Variants in ARMH3 observed in about 807,000 individuals in gnomAD.
The protein encoded by ARMH3 is armadillo like helical domain containing 3.
A neutral mutation model predicts 99.1 loss-of-function variants in ARMH3; 60 were observed. The observed-to-expected ratio is 0.61, with a 90% CI of 0.49 to 0.75. ARMH3 has a LOEUF of 0.75. Among genes scored for constraint, ARMH3 ranks in the 30% least tolerant of loss-of-function variants. The probability of loss-of-function intolerance (pLI) is 0.00; values close to 1 mark genes in which losing one functional copy is unlikely to be tolerated. For missense variants in ARMH3, 679 were observed against 843.1 expected (o/e 0.81, Z 2.41); for synonymous variants, 285 against 292.8 (o/e 0.97, Z 0.27).
rs548557095 is a variant in ARMH3, at chr10:101,929,907, A to T, written c.1781+9956T>A. ...GTTTTAGGTTTCAGATTTTTTTTTTAAATTTTGGATATTTGCATTATACTT... is the reference window on the plus strand; with the variant it reads ...GTTTTAGGTTTCAGATTTTTTTTTTTAATTTTGGATATTTGCATTATACTT... On this transcript the variant is annotated intron_variant, in intron 23 of 25. Coordinates refer to ENST00000370033, the MANE Select transcript of ARMH3 (RefSeq NM_024541.3). Among the ~76,000 whole-genome samples the T allele has an allele frequency of 1.1e-4, 17 of 152,118 alleles. 1 individual carries two copies. The highest frequency in any genetic ancestry group is 2.1e-4 in the South Asian group (1 of 4,822).
At chr10:101,873,244 A>T (rs1317171973) in intron 24 of ARMH3, among the ~76,000 whole-genome samples, 1 of 151,294 alleles carries the variant, frequency 6.6e-6, no homozygotes, top group Non-Finnish European at 1.5e-5. Flanking sequence ...TCTACTAAAA[A>T]TACAAAAAAA....
intron 23 of ARMH3, among the ~76,000 whole-genome samples, chr10:101,921,909 A>C (rs1177753572): frequency 1.3e-5 from 2 of 152,200 alleles, no homozygotes; most frequent in Non-Finnish European, 2.9e-5. Context: ...AATACGTTCT[A>C]ATGTTCAATA....
chr10:102,019,424 C>T (rs2066826129), intron 8 of ARMH3, among the ~76,000 whole-genome samples: 1 of 151,886 alleles, frequency 6.6e-6, no homozygotes, highest in African/African-American at 2.4e-5. Flanking sequence ...AACTGTAAGA[C>T]AGCTGAAGGC....
chr10:101,974,506 C>A (rs535872503), intron 20 of ARMH3, among the ~76,000 whole-genome samples: 1 of 152,290 alleles, frequency 6.6e-6, no homozygotes, highest in African/African-American at 2.4e-5. Flanking sequence ...GTCTCCTCTG[C>A]TTTCCTGAAA....
At chr10:101,865,234 C>G (rs1198502587) in intron 24 of ARMH3, among the ~76,000 whole-genome samples, 1 of 148,694 alleles carries the variant, frequency 6.7e-6, no homozygotes, top group African/African-American at 2.5e-5. Flanking sequence ...AAAACAAAAA[C>G]AAACAAACAA....
intron 24 of ARMH3, among the ~76,000 whole-genome samples, chr10:101,862,798 G>GT (rs1425056400): frequency 2.0e-5 from 3 of 152,146 alleles, no homozygotes; most frequent in Admixed American, 1.3e-4. Flanking sequence ...CAAGATGGTA[G>GT]TTTTTAACTC....
chr10:101,914,603 T>C (rs1842999308), intron 23 of ARMH3, among the ~76,000 whole-genome samples: 1 of 150,500 alleles, frequency 6.6e-6, no homozygotes, highest in Non-Finnish European at 1.5e-5. Flanking sequence ...CGGTGGCTTA[T>C]GCCTATAATC....
intron 24 of ARMH3, among the ~76,000 whole-genome samples, chr10:101,850,374 C>T (rs1232231512): frequency 3.3e-5 from 5 of 150,688 alleles, no homozygotes; most frequent in Admixed American, 6.6e-5. Flanking sequence ...GCTGGGAGTA[C>T]GGGTGTGAGC....
intron 19 of ARMH3, among the ~76,000 whole-genome samples, chr10:101,986,199 C>T (rs1288735305): frequency 1.3e-5 from 2 of 152,146 alleles, no homozygotes; most frequent in Non-Finnish European, 2.9e-5. Context: ...TCCTGTAGGA[C>T]CCACTGAAGT....
Position 101,995,279 on chromosome 10 carries a change from A to G in ARMH3, c.1209+18T>C. 1 of 1,608,822 alleles carries G rather than the reference A, an allele frequency of 6.2e-7. No individual in the cohort carries two copies. The highest frequency in any genetic ancestry group is 2.2e-5 in the East Asian group (1 of 44,848). The stretch of plus-strand genomic sequence containing the variant: ...TTTGTAAAAGACTGCCTAATAGCAG[A>G]AGGCTCGTGAGACCTACCTCTGCAA... On this transcript the variant is annotated intron_variant, in intron 16 of 25. Transcript: ENST00000370033.
chr10:101,866,859 TAAG>T (rs1229411590), intron 24 of ARMH3, among the ~76,000 whole-genome samples: 2 of 152,048 alleles, frequency 1.3e-5, no homozygotes, highest in African/African-American at 4.8e-5. Context: ...TAGACACTAT[TAAG>T]AAAATCACTG....
intron 24 of ARMH3, among the ~76,000 whole-genome samples, chr10:101,888,170 T>C (rs2067599381): frequency 6.6e-6 from 1 of 151,908 alleles, no homozygotes; most frequent in African/African-American, 2.4e-5. Context: ...TGAATTATTT[T>C]GCATAAAAAT....
intron 24 of ARMH3, among the ~76,000 whole-genome samples, chr10:101,853,642 T>A (rs1352742873): frequency 6.6e-6 from 1 of 152,226 alleles, no homozygotes; most frequent in Admixed American, 6.5e-5. Context: ...CAAGGCTACC[T>A]TCTTTCATCG....
intron 1 of ARMH3, among the ~76,000 whole-genome samples, chr10:102,054,719 G>C (rs1019021188): frequency 4.6e-5 from 7 of 152,190 alleles, no homozygotes; most frequent in Non-Finnish European, 1.0e-4. Flanking sequence ...TTTCTGGCCG[G>C]GCGCAGTGGC....
chr10:102,003,907 G>A (rs188676237), intron 14 of ARMH3, among the ~76,000 whole-genome samples: 1 of 152,268 alleles, frequency 6.6e-6, no homozygotes, highest in African/African-American at 2.4e-5. Flanking sequence ...TTTAATTCAT[G>A]TTATGGGTTA....
chr10:102,005,141 G>A (rs1157317478), intron 14 of ARMH3, among the ~76,000 whole-genome samples: 1 of 152,162 alleles, frequency 6.6e-6, no homozygotes, highest in Admixed American at 6.5e-5. Flanking sequence ...AGGTTGCGGT[G>A]AGCTGAGATC....
chr10:101,891,279 T>C (rs1223492178), intron 23 of ARMH3, among the ~76,000 whole-genome samples: 1 of 151,948 alleles, frequency 6.6e-6, no homozygotes, highest in Non-Finnish European at 1.5e-5. Context: ...CCCTGCAACC[T>C]CCACCTTCCG....
chr10:101,910,015 T>C (rs1250283300), intron 23 of ARMH3, among the ~76,000 whole-genome samples: 1 of 152,216 alleles, frequency 6.6e-6, no homozygotes, highest in Non-Finnish European at 1.5e-5. Context: ...AATTATGCTA[T>C]GTAGACCTTG....
At chr10:101,976,232 C>G (rs1845999294) in intron 19 of ARMH3, among the ~76,000 whole-genome samples, 1 of 145,238 alleles carries the variant, frequency 6.9e-6, no homozygotes, top group South Asian at 2.2e-4. Context: ...CCCAGCTACT[C>G]AGGAGGCTGA....
Sources: allele counts gnomAD v4.1 joint callset (sites outside exome capture counted in the v4.1 genomes callset), GRCh38; gene constraint gnomAD v4.1.1; transcripts MANE v1.5; gene names NCBI Gene and HGNC (gene_info 2026-07-23, HGNC 2026-07-21).